Variants in HNRNPUL1 observed in about 807,000 individuals in gnomAD.
HNRNPUL1 encodes heterogeneous nuclear ribonucleoprotein U like 1, also known as heterogeneous nuclear ribonucleoprotein U-like protein 1.
In HNRNPUL1, 14 loss-of-function variants were observed where a neutral mutation model predicts 108.5. That is an observed-to-expected ratio of 0.13 (90% CI 0.09 to 0.20). HNRNPUL1 has a LOEUF of 0.20. Ranked by LOEUF, HNRNPUL1 falls within the 10% of genes least tolerant of loss-of-function variation. HNRNPUL1 has a pLI of 1.00. For missense variants in HNRNPUL1, 804 were observed against 1,168.3 expected (o/e 0.69, Z 4.55); for synonymous variants, 422 against 445.2 (o/e 0.95, Z 0.66).
chr19:41,279,019 C>G (rs564582875), intron 5 of HNRNPUL1, 58 bp from the exon 6 acceptor site: 1 of 1,200,474 alleles, frequency 8.3e-7, no homozygotes, highest in Non-Finnish European at 1.2e-6. Context: ...CCTATATTGG[C>G]TCATAACCTA....
chr19:41,264,411 T>G lies in HNRNPUL1; in HGVS notation c.-93T>G. On this transcript the variant is annotated 5_prime_UTR_variant, in exon 1 of 15. Transcript: ENST00000392006. ...CCGCCATTGGAGTGGGCCCCCCCCC[T>G]TTCCCCCTTCGCCTCCTGACAGGAA... The G allele has an allele frequency of 5.6e-6, 6 of 1,077,306 alleles. No individual in the cohort carries two copies. Among genetic ancestry groups the G allele is most frequent in the Non-Finnish European group, 7.2e-6 (6 of 831,228 alleles). The allele number at this position is 1,077,306 out of a possible 1,614,324, so 66.7% of individuals were successfully genotyped here. A position where few individuals can be genotyped will look rare whatever the true frequency, so the allele number is the denominator to read the frequency against.
chr19:41,278,690 C>T (rs185452012), intron 5 of HNRNPUL1, among the ~76,000 whole-genome samples: 16 of 152,148 alleles, frequency 1.1e-4, no homozygotes, highest in African/African-American at 3.1e-4. Flanking sequence ...CTCAAGCCAT[C>T]CTCCTGCCTT....
Position 41,305,775 on chromosome 19 carries a change from A to G in HNRNPUL1, c.2362A>G (p.Ser788Gly). Reference protein sequence around the residue: ...PPPPPAYNYGSYGGYNPAPYT... With the variant: ...PPPPPAYNYGGYGGYNPAPYT... ...ACCACCACCTGCCTACAACTATGGGAGCTACGGCGGTTACAACCCGGCCCC... is the reference window on the plus strand; with the variant it reads ...ACCACCACCTGCCTACAACTATGGGGGCTACGGCGGTTACAACCCGGCCCC... Residue 788 changes from serine (S) to glycine (G), a missense_variant, in exon 14 of 15, where the codon AGC (serine) becomes GGC (glycine). Ser to Gly is a moderately conservative substitution (Grantham distance 56). Around this residue, in one of 4 missense-constraint regions of HNRNPUL1, gnomAD observed 294 missense variants for 388.3 expected, o/e 0.76. Coordinates refer to ENST00000392006, the MANE Select transcript of HNRNPUL1 (RefSeq NM_007040.6). The G allele has an allele frequency of 6.2e-7, 1 of 1,613,702 alleles. No homozygotes were observed. The highest frequency in any genetic ancestry group is 2.2e-5 in the East Asian group (1 of 44,854).
rs2036662265 is a variant in HNRNPUL1 at position 41,292,736 on chromosome 19, A to T, written c.1266+225A>T. On this transcript the variant is annotated intron_variant, in intron 8 of 14. Coordinates refer to ENST00000392006, the MANE Select transcript of HNRNPUL1 (RefSeq NM_007040.6). This position sits in a 1 kb window ranked among gnomAD's most constrained non-coding sequence, Gnocchi z 4.1. ...TCGGAGAGGCTACCTAAATCTCAGAAAGATTGCATCTTCTTCTTAAGTGAG... is the reference window on the plus strand; with the variant it reads ...TCGGAGAGGCTACCTAAATCTCAGATAGATTGCATCTTCTTCTTAAGTGAG... Among the ~76,000 whole-genome samples the T allele has an allele frequency of 6.8e-6, 1 of 148,106 alleles. No homozygotes were observed. Among genetic ancestry groups the T allele is most frequent in the Non-Finnish European group, 1.5e-5 (1 of 66,032 alleles).
chr19:41,299,351 G>A (rs192706686), intron 10 of HNRNPUL1, among the ~76,000 whole-genome samples: 4 of 152,240 alleles, frequency 2.6e-5, no homozygotes, highest in East Asian at 1.9e-4. Flanking sequence ...CTGCACCCAC[G>A]GCCCCAGAAC....
chr19:41,264,305 C>G (rs1266618119), upstream of HNRNPUL1: 1 of 440,446 alleles, frequency 2.3e-6, no homozygotes, highest in East Asian at 3.5e-5. Context: ...GCCCCACGCA[C>G]TGACCAATTG....
chr19:41,299,350 C>T (rs1051880721), intron 10 of HNRNPUL1, among the ~76,000 whole-genome samples: 3 of 152,206 alleles, frequency 2.0e-5, no homozygotes, highest in African/African-American at 2.4e-5. Flanking sequence ...ACTGCACCCA[C>T]GGCCCCAGAA....
rs1162070379 is a variant in HNRNPUL1 at position 41,294,027 on chromosome 19, A to C, written c.1267-311A>C. Among the ~76,000 whole-genome samples, 1 of 152,104 alleles carries C rather than the reference A, an allele frequency of 6.6e-6. No homozygotes were observed. The highest frequency in any genetic ancestry group is 1.5e-5 in the Non-Finnish European group (1 of 68,006). ...GTCTCAAAAAAACAAAATACTATAAATGCTAATGATGACAGCACTTGGTTT... is the reference window on the plus strand; with the variant it reads ...GTCTCAAAAAAACAAAATACTATAACTGCTAATGATGACAGCACTTGGTTT... On this transcript the variant is annotated intron_variant, in intron 8 of 14. Coordinates refer to ENST00000392006, the MANE Select transcript of HNRNPUL1 (RefSeq NM_007040.6). This position sits in a 1 kb window ranked among gnomAD's most constrained non-coding sequence, Gnocchi z 4.3.
chr19:41,299,184 T>G (rs1400259557), intron 10 of HNRNPUL1, among the ~76,000 whole-genome samples: 2 of 152,176 alleles, frequency 1.3e-5, no homozygotes, highest in Admixed American at 1.3e-4. Flanking sequence ...TGTGGGCCGG[T>G]GTCCAAGACC....
chr19:41,300,483 G>C (rs2037143852), intron 10 of HNRNPUL1, among the ~76,000 whole-genome samples: 1 of 152,074 alleles, frequency 6.6e-6, no homozygotes, highest in Non-Finnish European at 1.5e-5. Flanking sequence ...CCATAGGGAG[G>C]GTACCTGTAT....
rs780707292 is a variant in HNRNPUL1 at position 41,281,158 on chromosome 19, G to A, written c.887-5G>A. The stretch of plus-strand genomic sequence containing the variant: ...TAACCTGCCTTTGCCTATTTCTTCC[G>A]TCAGGCGAAGAGCCTTTCTCCTATG... On this transcript the variant is annotated splice_region_variant and splice_polypyrimidine_tract_variant and intron_variant, in intron 6 of 14. Coordinates refer to ENST00000392006, the MANE Select transcript of HNRNPUL1 (RefSeq NM_007040.6). 18 of 1,606,464 alleles carry A rather than the reference G, an allele frequency of 1.1e-5. 1 individual carries two copies. Among genetic ancestry groups the A allele is most frequent in the African/African-American group, 2.7e-5 (2 of 74,762 alleles).
intron 7 of HNRNPUL1, among the ~76,000 whole-genome samples, chr19:41,290,499 C>T (rs1056577553): frequency 5.3e-5 from 8 of 152,100 alleles, no homozygotes; most frequent in Admixed American, 1.3e-4. Flanking sequence ...CCTCACATGC[C>T]GAGGTAGGCC....
intron 13 of HNRNPUL1, 157 bp from the exon 14 acceptor site, chr19:41,305,519 C>T (rs538815496): frequency 2.4e-6 from 2 of 848,428 alleles, no homozygotes; most frequent in Non-Finnish European, 3.7e-6. Context: ...ATGGAGCTGG[C>T]TCTCCTCCTT....
intron 4 of HNRNPUL1, among the ~76,000 whole-genome samples, chr19:41,275,526 C>T (rs893071521): frequency 2.0e-5 from 3 of 152,002 alleles, no homozygotes; most frequent in African/African-American, 4.8e-5. Context: ...AGGATATGGA[C>T]CCTATCCCTA....
Position 41,304,269 on chromosome 19 carries a change from A to G in HNRNPUL1, c.2262+8A>G. ...AGCTACAGCCCTCCACAGGTGAGAG[A>G]ATGAGTGTGTGTTTGTATGTAGTGA... On this transcript the variant is annotated splice_region_variant and intron_variant, in intron 13 of 14. Coordinates refer to ENST00000392006, the MANE Select transcript of HNRNPUL1 (RefSeq NM_007040.6). The G allele has an allele frequency of 6.3e-7, 1 of 1,595,310 alleles. No homozygotes were observed. Among genetic ancestry groups the G allele is most frequent in the South Asian group, 1.1e-5 (1 of 89,328 alleles).
At chr19:41,263,202 C>T (rs2034606760), upstream of HNRNPUL1, among the ~76,000 whole-genome samples, 2 of 152,086 alleles carry the variant, frequency 1.3e-5, no homozygotes, top group South Asian at 4.1e-4. Context: ...CAGTGGGAGT[C>T]TGCATCATGT....
intron 7 of HNRNPUL1, among the ~76,000 whole-genome samples, chr19:41,285,603 C>T (rs1332981745): frequency 1.3e-5 from 2 of 152,148 alleles, no homozygotes; most frequent in African/African-American, 4.8e-5. Flanking sequence ...GGTTGTACAA[C>T]AAGAAGGTGT....
chr19:41,273,909 G>A, intron 3 of HNRNPUL1, 73 bp from the exon 4 acceptor site: 1 of 1,239,324 alleles, frequency 8.1e-7, no homozygotes, highest in Non-Finnish European at 1.2e-6. Context: ...ATAGATTACA[G>A]CAGAACATTC....
rs2036673378 is a variant in HNRNPUL1, at chr19:41,292,915, G to C, written c.1266+404G>C. 1.3e-5 allele frequency among the ~76,000 whole-genome samples: 2 copies of C among 152,044 alleles called. No individual in the cohort carries two copies. Among genetic ancestry groups the C allele is most frequent in the Non-Finnish European group, 2.9e-5 (2 of 68,012 alleles). ...GCTGGAGTGCAGTGGTGCGATCACG[G>C]CTTACTGCAGCCTTGACCTTCCAGG... On this transcript the variant is annotated intron_variant, in intron 8 of 14. Coordinates refer to ENST00000392006, the MANE Select transcript of HNRNPUL1 (RefSeq NM_007040.6). This position sits in a 1 kb window ranked among gnomAD's most constrained non-coding sequence, Gnocchi z 4.1.
Sources: gnomAD v4.1 joint callset for allele counts (sites outside exome capture counted in the v4.1 genomes callset) on GRCh38, gnomAD v4.1.1 for gene constraint, gnomAD v4.1.1 regional missense constraint, Gnocchi (gnomAD v3.1) non-coding constraint, MANE v1.5 for transcripts, NCBI Gene and HGNC (gene_info 2026-07-23, HGNC 2026-07-21) for gene names.